Variants in LAMA3 observed in about 807,000 individuals in gnomAD.
LAMA3 encodes laminin subunit alpha-3.
LAMA3 carries 281 observed loss-of-function variants against 402.0 expected under a neutral mutation model. The ratio of observed to expected loss-of-function variants is 0.70; its 90% CI spans 0.63 to 0.77. The LOEUF (loss-of-function observed/expected upper bound fraction) is 0.77, where lower values mean the gene tolerates loss of function less well. Among genes scored for constraint, LAMA3 ranks in the 30% least tolerant of loss-of-function variants. The pLI is 0.00. For synonymous variants in LAMA3, 1,431 were observed against 1,558.4 expected (o/e 0.92, Z 1.93); for missense variants, 3,840 against 4,215.5 (o/e 0.91, Z 2.47).
intron 35 of LAMA3, among the ~76,000 whole-genome samples, chr18:23,862,813 C>T (rs1339215404): frequency 7.0e-6 from 1 of 143,018 alleles, no homozygotes; most frequent in Non-Finnish European, 1.5e-5. Flanking sequence ...CTGTAGTCCC[C>T]TGGGACTGCA....
At chr18:23,815,663 C>T (rs1297045919) in intron 17 of LAMA3, 90 bp downstream of exon 17, 13 of 914,728 alleles carry the variant, frequency 1.4e-5, no homozygotes, top group Non-Finnish European at 2.1e-5. Context: ...GTCATCTTCA[C>T]GCAGACTTTC....
At chr18:23,760,205 G>T (rs1179055244) in intron 7 of LAMA3, among the ~76,000 whole-genome samples, 5 of 152,016 alleles carry the variant, frequency 3.3e-5, no homozygotes, top group Admixed American at 2.6e-4. Context: ...GTATTAAATT[G>T]TTAAAAGTTA....
intron 68 of LAMA3, among the ~76,000 whole-genome samples, chr18:23,943,456 C>T: frequency 6.6e-6 from 1 of 152,152 alleles, no homozygotes; most frequent in South Asian, 2.1e-4. Context: ...GTATTTTACC[C>T]TAACTTTTTA....
chr18:23,738,873 C>T (rs2061519456), intron 2 of LAMA3, among the ~76,000 whole-genome samples: 1 of 152,184 alleles, frequency 6.6e-6, no homozygotes. Context: ...CGGGTGCATC[C>T]CTGCTGCCTT....
At chr18:23,769,659 G>C (rs2062153111) in intron 8 of LAMA3, among the ~76,000 whole-genome samples, 1 of 152,154 alleles carries the variant, frequency 6.6e-6, no homozygotes, top group South Asian at 2.1e-4. Context: ...GTGCATGCAT[G>C]TGCGCAAGCA....
At chr18:23,886,351 T>G (rs9955681) in intron 41 of LAMA3, among the ~76,000 whole-genome samples, 72,089 of 152,088 alleles carry the variant, frequency 0.47, 19,214 homozygotes, top group Non-Finnish European at 0.61. Context: ...TATTTGCTAA[T>G]TAGGGCCAAG....
chr18:23,769,809 A>C (rs1026063443), intron 8 of LAMA3, among the ~76,000 whole-genome samples: 2 of 152,268 alleles, frequency 1.3e-5, no homozygotes, highest in Admixed American at 1.3e-4. Context: ...ACTCCAATTC[A>C]AAGGCAGAAG....
intron 45 of LAMA3, 37 bp downstream of exon 45, chr18:23,898,885 T>G (rs2080967614): frequency 6.3e-7 from 1 of 1,577,302 alleles, no homozygotes; most frequent in Admixed American, 1.7e-5. Context: ...GGGGTTTTTT[T>G]GCTTTCAAAG....
intron 3 of LAMA3, among the ~76,000 whole-genome samples, chr18:23,748,796 G>GA (rs397941089): frequency 0.019 from 2,485 of 130,982 alleles, 60 homozygotes; most frequent in African/African-American, 0.058. Context: ...CTCCATCTTG[G>GA]AAAAAAAAAA....
chr18:23,803,145 G>A (rs552822344), intron 12 of LAMA3, among the ~76,000 whole-genome samples: 31 of 152,304 alleles, frequency 2.0e-4, no homozygotes, highest in Admixed American at 5.9e-4. Flanking sequence ...AGCATTGCAT[G>A]CAGAGAAGGA....
intron 35 of LAMA3, 126 bp downstream of exon 35, chr18:23,861,933 C>A: frequency 1.8e-6 from 2 of 1,103,918 alleles, no homozygotes; most frequent in Non-Finnish European, 1.3e-6. Flanking sequence ...CAGAAATGAG[C>A]TGAACTAAAA....
At position 23,954,493 on chromosome 18, in the gene LAMA3, T is replaced by G. The variant is rs1485859718; in HGVS notation, c.9857-10T>G. 1 of 1,613,568 alleles carries G rather than the reference T, an allele frequency of 6.2e-7. No homozygotes were observed. The highest frequency in any genetic ancestry group is 1.7e-5 in the Admixed American group (1 of 60,008). ...TTATTTACTGAATGCCTCTCCACTT[T>G]CTCTTTCAGCCAATTTGACGACACT... On this transcript the variant is annotated splice_polypyrimidine_tract_variant and intron_variant, in intron 74 of 74. Coordinates refer to ENST00000313654, the MANE Select transcript of LAMA3 (RefSeq NM_198129.4).
rs1367837278 is a variant in LAMA3, at chr18:23,861,694, A to C, written c.4471A>C (p.Ile1491Leu). The C allele has an allele frequency of 4.3e-6, 7 of 1,614,026 alleles. No homozygotes were observed. The Admixed American group carries it at 1.2e-4, about 27-fold the overall frequency. The change falls in exon 35 of 75, where the codon ATC becomes CTC. Residue 1491 changes from isoleucine to leucine, a missense_variant. Physicochemically the swap from Ile to Leu is conservative, Grantham distance 5. Around this residue, in one of 3 missense-constraint regions of LAMA3, gnomAD observed 2,109 missense variants for 2,376.0 expected, o/e 0.89. Transcript: ENST00000313654. ...CCTGGAGACAGCAGACAGAGTGGAC[A>C]TCCCTGTCTCTTTCAACCCAGGCAG... is the stretch of plus-strand genomic sequence containing the variant. ...WHLETADRVD[I>L]PVSFNPGSNS...
intron 8 of LAMA3, among the ~76,000 whole-genome samples, chr18:23,772,296 T>A (rs1285491164): frequency 6.6e-6 from 1 of 152,208 alleles, no homozygotes; most frequent in Non-Finnish European, 1.5e-5. Context: ...CACTTTGGCC[T>A]CCCAGACTGC....
intron 35 of LAMA3, among the ~76,000 whole-genome samples, chr18:23,864,424 C>T (rs2064301721): frequency 6.6e-6 from 1 of 152,056 alleles, no homozygotes; most frequent in Non-Finnish European, 1.5e-5. Context: ...GACAGGGTCT[C>T]GCTGTATTGC....
At chr18:23,794,943 G>A (rs2062734335) in intron 12 of LAMA3, among the ~76,000 whole-genome samples, 1 of 152,292 alleles carries the variant, frequency 6.6e-6, no homozygotes, top group Non-Finnish European at 1.5e-5. Context: ...ATCTTTAAAT[G>A]TATGTTATAA....
chr18:23,916,848 G>A (rs568638551), intron 60 of LAMA3, among the ~76,000 whole-genome samples, 153 bp downstream of exon 60: 1 of 150,884 alleles, frequency 6.6e-6, no homozygotes, highest in Admixed American at 6.6e-5. Context: ...TGTACTTTCT[G>A]TTGGCTGGGA....
chr18:23,817,282 T>C (rs2063194969), intron 18 of LAMA3, among the ~76,000 whole-genome samples: 1 of 152,232 alleles, frequency 6.6e-6, no homozygotes, highest in Non-Finnish European at 1.5e-5. Flanking sequence ...GTTTCATCCA[T>C]GATTTTTCCT....
chr18:23,820,688 A>AATTT (rs2063268242), intron 19 of LAMA3, among the ~76,000 whole-genome samples: 1 of 152,132 alleles, frequency 6.6e-6, no homozygotes, highest in Non-Finnish European at 1.5e-5. Flanking sequence ...TTGTCCTCAG[A>AATTT]ATTTGTCTTT....
Sources: allele counts gnomAD v4.1 joint callset (sites outside exome capture counted in the v4.1 genomes callset), GRCh38; gene constraint gnomAD v4.1.1; regional missense constraint gnomAD v4.1.1; transcripts MANE v1.5; gene names NCBI Gene and HGNC (gene_info 2026-07-23, HGNC 2026-07-21).